Variants in ITGBL1 observed in about 807,000 individuals in gnomAD.
The protein encoded by ITGBL1 is integrin beta-like protein 1.
ITGBL1 carries 51 observed loss-of-function variants against 68.5 expected under a neutral mutation model. That is an observed-to-expected ratio of 0.74 (90% confidence interval 0.59 to 0.94). The LOEUF (loss-of-function observed/expected upper bound fraction) is 0.94, where lower values mean the gene tolerates loss of function less well. ITGBL1 is among the 40% of genes least tolerant of loss of function. ITGBL1 has a pLI of 0.00. For synonymous variants in ITGBL1, 209 were observed against 227.3 expected (o/e 0.92, Z 0.72); for missense variants, 649 against 647.4 (o/e 1.00, Z -0.03).
At chr13:101,647,051 T>C (rs1404545290) in intron 7 of ITGBL1, among the ~76,000 whole-genome samples, 1 of 152,170 alleles carries the variant, frequency 6.6e-6, no homozygotes, top group African/African-American at 2.4e-5. Flanking sequence ...TTTTTTATTT[T>C]CCCATTTTAG....
intron 7 of ITGBL1, among the ~76,000 whole-genome samples, chr13:101,606,202 C>CAT (rs1331102530): frequency 6.4e-5 from 9 of 141,092 alleles, no homozygotes; most frequent in Non-Finnish European, 1.1e-4. Context: ...AGCCTTATAT[C>CAT]ATATATATAT....
rs200260013 is a variant in ITGBL1, at chr13:101,603,691, T to A, written c.1015+5392T>A. Among the ~76,000 whole-genome samples the A allele has an allele frequency of 4.7e-3, 716 of 151,448 alleles. 4 individuals are homozygous for A. Among genetic ancestry groups the A allele is most frequent in the Non-Finnish European group, 7.5e-3 (505 of 67,708 alleles). Reference sequence around the variant, plus strand: ...GGAAGGCTAACCACTGTCTCTTTTTTAAAAAAAATGTGTGTGTATTTTCAA... The same window carrying A: ...GGAAGGCTAACCACTGTCTCTTTTTAAAAAAAAATGTGTGTGTATTTTCAA... On this transcript the variant is annotated intron_variant, in intron 7 of 10. Coordinates refer to ENST00000376180, the MANE Select transcript of ITGBL1 (RefSeq NM_004791.3).
chr13:101,605,973 CAT>C (rs1268996619), intron 7 of ITGBL1, among the ~76,000 whole-genome samples: 5 of 143,514 alleles, frequency 3.5e-5, no homozygotes, highest in Admixed American at 2.1e-4. Context: ...CATATATATG[CAT>C]ATATGTGTAT....
intron 7 of ITGBL1, among the ~76,000 whole-genome samples, chr13:101,611,097 T>C (rs778721831): frequency 3.2e-4 from 49 of 152,226 alleles, no homozygotes; most frequent in African/African-American, 1.2e-3. Flanking sequence ...GGGGGAAATA[T>C]GTCTCTCCCT....
At chr13:101,680,509 A>G (rs2033615972) in intron 7 of ITGBL1, among the ~76,000 whole-genome samples, 1 of 151,404 alleles carries the variant, frequency 6.6e-6, no homozygotes, top group Admixed American at 6.6e-5. Flanking sequence ...TCCTGAAATC[A>G]TCTCATTCTG....
chr13:101,670,644 A>G (rs537417966), intron 7 of ITGBL1, among the ~76,000 whole-genome samples: 1 of 152,326 alleles, frequency 6.6e-6, no homozygotes, highest in Admixed American at 6.5e-5. Context: ...CATCTTTGGC[A>G]GGCTTCCCCA....
At chr13:101,514,775 A>G (rs2049168968) in intron 2 of ITGBL1, among the ~76,000 whole-genome samples, 1 of 152,084 alleles carries the variant, frequency 6.6e-6, no homozygotes, top group Non-Finnish European at 1.5e-5. Flanking sequence ...ACTGGAATAC[A>G]CATGGGTGTG....
At chr13:101,586,057 C>T (rs1018697577) in intron 6 of ITGBL1, among the ~76,000 whole-genome samples, 3 of 152,108 alleles carry the variant, frequency 2.0e-5, no homozygotes, top group African/African-American at 4.8e-5. Context: ...CTTCAATCCT[C>T]GTGTAAGCTT....
intron 2 of ITGBL1, among the ~76,000 whole-genome samples, chr13:101,502,366 G>T (rs1464929869): frequency 3.9e-5 from 6 of 152,098 alleles, no homozygotes; most frequent in Admixed American, 3.9e-4. Context: ...TCCTAAGTTT[G>T]TTCTCACTCT....
chr13:101,646,673 C>T (rs1306015708), intron 7 of ITGBL1, among the ~76,000 whole-genome samples: 1 of 151,954 alleles, frequency 6.6e-6, no homozygotes, highest in Non-Finnish European at 1.5e-5. Context: ...TTAATACAAT[C>T]TTTGAAATTT....
intron 7 of ITGBL1, among the ~76,000 whole-genome samples, chr13:101,625,711 C>G (rs1174897595): frequency 6.6e-6 from 1 of 152,044 alleles, no homozygotes; most frequent in African/African-American, 2.4e-5. Context: ...TGCCATCATG[C>G]CCAGCTAATT....
chr13:101,650,893 C>T (rs901517438), intron 7 of ITGBL1, among the ~76,000 whole-genome samples: 2 of 152,082 alleles, frequency 1.3e-5, no homozygotes, highest in South Asian at 2.1e-4. Flanking sequence ...TAAGTGAGAA[C>T]GTGCAGTGTT....
intron 2 of ITGBL1, among the ~76,000 whole-genome samples, chr13:101,567,061 C>T (rs932726281): frequency 3.3e-5 from 5 of 152,060 alleles, no homozygotes; most frequent in African/African-American, 1.2e-4. Context: ...TCAAGCAGGA[C>T]TTAATAACAT....
chr13:101,605,387 T>A (rs1169315299), intron 7 of ITGBL1, among the ~76,000 whole-genome samples: 1 of 138,942 alleles, frequency 7.2e-6, no homozygotes, highest in East Asian at 2.1e-4. Flanking sequence ...TACACATATA[T>A]GGGCATGTAT....
At chr13:101,659,924 A>G (rs1332104114) in intron 7 of ITGBL1, among the ~76,000 whole-genome samples, 1 of 152,160 alleles carries the variant, frequency 6.6e-6, no homozygotes, top group African/African-American at 2.4e-5. Flanking sequence ...GAATTAATTA[A>G]GGTAATTGAC....
intron 7 of ITGBL1, among the ~76,000 whole-genome samples, chr13:101,665,027 C>A (rs2033180830): frequency 6.6e-6 from 1 of 152,224 alleles, no homozygotes; most frequent in South Asian, 2.1e-4. Flanking sequence ...AGCCACCTCA[C>A]CCAGCCAATA....
intron 5 of ITGBL1, among the ~76,000 whole-genome samples, chr13:101,582,086 C>T (rs2050467268): frequency 6.6e-6 from 1 of 152,102 alleles, no homozygotes; most frequent in Non-Finnish European, 1.5e-5. Context: ...TATGAAATTT[C>T]CTTTTGTTCT....
chr13:101,657,453 A>G (rs1484879407), intron 7 of ITGBL1, among the ~76,000 whole-genome samples: 1 of 152,110 alleles, frequency 6.6e-6, no homozygotes, highest in Non-Finnish European at 1.5e-5. Context: ...GTGCCCATCA[A>G]ACATTTTCTT....
intron 8 of ITGBL1, among the ~76,000 whole-genome samples, chr13:101,693,652 A>C (rs1446934216): frequency 6.6e-6 from 1 of 151,822 alleles, no homozygotes; most frequent in African/African-American, 2.4e-5. Context: ...CTATCTATCT[A>C]TCTATCTATC....
Sources: gnomAD v4.1 joint callset for allele counts (sites outside exome capture counted in the v4.1 genomes callset) on GRCh38, gnomAD v4.1.1 for gene constraint, MANE v1.5 for transcripts, NCBI Gene and HGNC (gene_info 2026-07-23, HGNC 2026-07-21) for gene names.